SLC17A3: variants seen among roughly 807,000 people sequenced by gnomAD.
The protein encoded by SLC17A3 is solute carrier family 17 member 3, also known as sodium-dependent phosphate transport protein 4.
SLC17A3 carries 61 observed loss-of-function variants against 60.3 expected under a neutral mutation model. The observed-to-expected ratio is 1.01, with a 90% confidence interval of 0.82 to 1.25. The LOEUF (loss-of-function observed/expected upper bound fraction) is 1.25. Ranked by LOEUF, SLC17A3 falls within the 50% of genes most tolerant of loss-of-function variation. The pLI is 0.00. For synonymous variants in SLC17A3, 192 were observed against 208.9 expected (o/e 0.92, Z 0.70); for missense variants, 624 against 594.9 (o/e 1.05, Z -0.51).
intron 10 of SLC17A3, 95 bp downstream of exon 10, chr6:25,849,710 G>T: frequency 7.1e-7 from 1 of 1,402,582 alleles, no homozygotes; most frequent in Non-Finnish European, 1.0e-6. Context: ...CTTCCCCTAT[G>T]GTTTATTCAT....
At chr6:25,872,583 C>CATATATATATATATTTATATTTTATACAT (rs3034382) in intron 1 of SLC17A3, among the ~76,000 whole-genome samples, 1 of 146,354 alleles carries the variant, frequency 6.8e-6, no homozygotes, top group Non-Finnish European at 1.5e-5. Context: ...ATATTTTATA[C>CATATATATATATATTTATATTTTATACAT]ATATATATAT....
chr6:25,852,083 C>G (rs1765287422), intron 6 of SLC17A3, among the ~76,000 whole-genome samples: 1 of 151,580 alleles, frequency 6.6e-6, no homozygotes, highest in Non-Finnish European at 1.5e-5. Flanking sequence ...TTCACTGGGT[C>G]TAGAATTCCA....
chr6:25,859,523 C>T (rs959041232), intron 5 of SLC17A3, among the ~76,000 whole-genome samples: 1 of 152,194 alleles, frequency 6.6e-6, no homozygotes, highest in Admixed American at 6.5e-5. Context: ...TAATTCAGTA[C>T]CCACTGGAGA....
intron 2 of SLC17A3, among the ~76,000 whole-genome samples, chr6:25,863,145 C>T (rs564201405): frequency 6.6e-6 from 1 of 152,078 alleles, no homozygotes; most frequent in East Asian, 1.9e-4. Context: ...TCTCATTCTC[C>T]GTTTTCCAGA....
At position 25,868,384 on chromosome 6, in the gene SLC17A3, C is replaced by A; in HGVS notation, c.4G>T (p.Ala2Ser). ...GTGGGACTCAACTCTGTCTTGGTGG[C>A]CATTGTGTTTCTCCTCTCCTAGTGA... Reference protein sequence around the residue: MATKTELSPTAR... With the variant: MSTKTELSPTAR... The change falls in exon 2 of 13, where the codon GCC becomes TCC. Residue 2 changes from alanine (A) to serine (S), a missense_variant. By Grantham distance (99) the Ala-to-Ser change is moderately conservative (BLOSUM62 1). Transcript: ENST00000397060. The A allele has an allele frequency of 6.2e-7, 1 of 1,611,552 alleles. No individual in the cohort carries two copies. Among genetic ancestry groups the A allele is most frequent in the Non-Finnish European group, 8.5e-7 (1 of 1,178,358 alleles).
At chr6:25,850,664 C>T (rs924957343) in intron 7 of SLC17A3, 44 bp from the exon 8 acceptor site, 9 of 1,611,970 alleles carry the variant, frequency 5.6e-6, no homozygotes, top group Admixed American at 3.3e-5. Context: ...CCGACAGATG[C>T]TCACACACTT....
chr6:25,871,378 A>C (rs370912797), intron 1 of SLC17A3, among the ~76,000 whole-genome samples: 3 of 151,248 alleles, frequency 2.0e-5, no homozygotes, highest in South Asian at 2.1e-4. Context: ...TCTCAGCAAA[A>C]TATCGCAAGG....
chr6:25,855,268 C>T (rs760448682), intron 5 of SLC17A3, 38 bp from the exon 6 acceptor site: 2 of 1,423,576 alleles, frequency 1.4e-6, no homozygotes, highest in Non-Finnish European at 2.0e-6. Context: ...GGACTCTAGA[C>T]TTCTACCTGG....
chr6:25,862,478 TA>T, intron 2 of SLC17A3, 34 bp from the exon 3 acceptor site: 1 of 1,534,366 alleles, frequency 6.5e-7, no homozygotes, highest in Non-Finnish European at 9.0e-7. Context: ...TAGTGTTTTT[TA>T]AAATTGAGCT....
rs771557300 is a variant in SLC17A3, at chr6:25,849,866, AAG to A, written c.1208_1209del (p.Ser403LeufsTer50). 38 of 1,613,994 alleles carry A rather than the reference AAG, an allele frequency of 2.4e-5. No individual in the cohort carries two copies. Among genetic ancestry groups the A allele is most frequent in the Non-Finnish European group, 3.0e-5 (35 of 1,179,924 alleles). ...GACTGACACAATGTGCTTAATCCGC[AAG>A]AGAGCGTCAGCAAGGCAGTTGCTGT... is the stretch of plus-strand genomic sequence containing the variant. ...YITATALLTL[S>X]CGLSTLCQSG... On this transcript the variant is annotated frameshift_variant, in exon 10 of 13. Transcript: ENST00000397060. LOFTEE classifies it high-confidence loss of function.
At chr6:25,854,702 C>T (rs1212764916) in intron 6 of SLC17A3, among the ~76,000 whole-genome samples, 1 of 152,214 alleles carries the variant, frequency 6.6e-6, no homozygotes, top group Admixed American at 6.5e-5. Context: ...AATTCATCCT[C>T]TTGGTGTTTC....
rs200308750 is a variant in SLC17A3, at chr6:25,849,426, G to C, written c.1310C>G (p.Ser437Trp). ...SFLMGASRGF[S>W]SIAPVIVPTV... is the part of the protein sequence containing the mutation. Reference sequence around the variant, plus strand: ...GGGTACAATGACAGGTGCTATGCTCGAAAATCCTCTTGATGCTCCCATGAG... The same window carrying C: ...GGGTACAATGACAGGTGCTATGCTCCAAAATCCTCTTGATGCTCCCATGAG... Residue 437 changes from serine to tryptophan, a missense_variant, in exon 11 of 13, where the codon TCG (serine) becomes TGG (tryptophan). Coordinates refer to ENST00000397060, the MANE Select transcript of SLC17A3 (RefSeq NM_001098486.2). The C allele has an allele frequency of 1.6e-5, 25 of 1,612,776 alleles. No homozygotes were observed. The highest frequency in any genetic ancestry group is 2.0e-5 in the Non-Finnish European group (24 of 1,178,926).
At chr6:25,848,058 G>T (rs1057136276) in intron 11 of SLC17A3, among the ~76,000 whole-genome samples, 1 of 152,184 alleles carries the variant, frequency 6.6e-6, no homozygotes, top group Non-Finnish European at 1.5e-5. Context: ...CATCCAGATT[G>T]CTGTGAATGC....
rs1267241604 is a variant in SLC17A3 at position 25,845,496 on chromosome 6, C to T, written c.1383G>A (p.Arg461=). ...LLSQDPEFGW[R]NVFFLLFAVN... is the part of the protein sequence containing the mutation. The stretch of plus-strand genomic sequence containing the variant: ...CGGCAAACAGCAAGAAGAAGACATT[C>T]CTCCACCCAAACTCAGGGTCCTGGA... The change falls in exon 12 of 13, where the codon AGG becomes AGA. Residue 461 remains arginine (R), a synonymous_variant. Coordinates refer to ENST00000397060, the MANE Select transcript of SLC17A3 (RefSeq NM_001098486.2). The T allele has an allele frequency of 6.2e-7, 1 of 1,613,900 alleles. No homozygotes were observed. Among genetic ancestry groups the T allele is most frequent in the Non-Finnish European group, 8.5e-7 (1 of 1,179,954 alleles).
chr6:25,861,723 A>G lies in SLC17A3; in HGVS notation c.538-12T>C, dbSNP rs561444551. ...CCAAGTATTGAGGACTGAAATTAAA[A>G]TGATTAGAGTTCTTAATGTGTGGTG... On this transcript the variant is annotated splice_polypyrimidine_tract_variant and intron_variant, in intron 4 of 12. Coordinates refer to ENST00000397060, the MANE Select transcript of SLC17A3 (RefSeq NM_001098486.2). The G allele has an allele frequency of 6.2e-7, 1 of 1,613,378 alleles. No individual in the cohort carries two copies.
chr6:25,871,154 A>T (rs1765633935), intron 1 of SLC17A3, among the ~76,000 whole-genome samples: 1 of 152,232 alleles, frequency 6.6e-6, no homozygotes, highest in Admixed American at 6.5e-5. Flanking sequence ...TACCCAAAGG[A>T]TTATAAAACA....
chr6:25,862,071 A>G, intron 3 of SLC17A3, 42 bp from the exon 4 acceptor site: 1 of 1,498,398 alleles, frequency 6.7e-7, no homozygotes, highest in Non-Finnish European at 9.1e-7. Context: ...TTACACAAAA[A>G]GGTTCTTACA....
chr6:25,862,843 T>C (rs1215459919), intron 2 of SLC17A3, among the ~76,000 whole-genome samples: 3 of 151,678 alleles, frequency 2.0e-5, no homozygotes, highest in African/African-American at 7.3e-5. Context: ...TAGCTACATA[T>C]AATTTATAAT....
chr6:25,867,600 G>C (rs1016414068), intron 2 of SLC17A3, among the ~76,000 whole-genome samples: 5 of 151,810 alleles, frequency 3.3e-5, no homozygotes, highest in Non-Finnish European at 1.5e-5. Context: ...AACATATATA[G>C]TTCATATATA....
Sources: gnomAD v4.1 joint callset for allele counts (sites outside exome capture counted in the v4.1 genomes callset) on GRCh38, gnomAD v4.1.1 for gene constraint, MANE v1.5 for transcripts, NCBI Gene and HGNC (gene_info 2026-07-23, HGNC 2026-07-21) for gene names.